Variants in FOXRED1 observed in about 807,000 individuals in gnomAD.
The protein encoded by FOXRED1 is FAD-dependent oxidoreductase domain-containing protein 1.
A neutral mutation model predicts 57.8 loss-of-function variants in FOXRED1; 52 were observed. The ratio of observed to expected loss-of-function variants is 0.90; its 90% CI spans 0.72 to 1.13. The LOEUF is 1.13. Ranked by LOEUF, FOXRED1 falls within the 50% of genes most tolerant of loss-of-function variation. The pLI is 0.00. For synonymous variants in FOXRED1, 271 were observed against 248.3 expected, an observed-to-expected ratio of 1.09 and a Z score of -0.86; for missense variants, 589 against 625.2, an observed-to-expected ratio of 0.94 and a Z score of 0.62.
Position 126,277,509 on chromosome 11 carries a change from A to G in FOXRED1, c.1281A>G (p.Leu427=), listed in dbSNP as rs2135270577. The G allele has an allele frequency of 1.2e-6, 2 of 1,613,586 alleles. No individual in the cohort carries two copies. The highest frequency in any genetic ancestry group is 1.7e-6 in the Non-Finnish European group (2 of 1,179,952). Residue 427 remains leucine, a synonymous_variant, in exon 11 of 11, where the codon CTA becomes CTG. Transcript: ENST00000263578. The surrounding 1 kb of genome is among the most constrained non-coding windows in gnomAD (Gnocchi z 6.8). ...DQNGVVGPHP[L]VVNMYFATGF... The stretch of plus-strand genomic sequence containing the variant: ...ATGGCGTGGTGGGCCCCCACCCGCT[A>G]GTTGTCAACATGTACTTTGCTACTG...
In FOXRED1 at chr11:126,273,011, C is replaced by T. The variant is rs1004141278; in HGVS notation, c.349C>T (p.Gln117Ter). 3.1e-6 allele frequency: 5 copies of T among 1,609,154 alleles called. No homozygotes were observed. Among genetic ancestry groups the T allele is most frequent in the Non-Finnish European group, 4.3e-6 (5 of 1,175,362 alleles). Residue 117 changes from glutamine (Q) to a stop codon, truncating the protein, a stop_gained, in exon 3 of 11, where the codon CAG becomes TAG. Coordinates refer to ENST00000263578, the MANE Select transcript of FOXRED1 (RefSeq NM_017547.4). LOFTEE classifies it high-confidence loss of function. This position sits in a 1 kb window ranked among gnomAD's most constrained non-coding sequence, Gnocchi z 5.9. ...TGGGCTCTCAGTAGGTGGGATTTGT[C>T]AGCAGTTCTCATTGCCTGAGAACAT... Reference protein sequence around the residue: ...STGLSVGGICQQFSLPENIQL... With the variant: ...STGLSVGGIC
In FOXRED1 at chr11:126,272,149, A is replaced by T. The variant is rs1427376762; in HGVS notation, c.306+492A>T. ...GCTATTTTTTGTATTTTTAGTAGAG[A>T]TGAGGTTTCACCATGTTGCCTAGGC... On this transcript the variant is annotated intron_variant, in intron 2 of 10. Transcript: ENST00000263578. This position sits in a 1 kb window ranked among gnomAD's most constrained non-coding sequence, Gnocchi z 4.6. Among the ~76,000 whole-genome samples the T allele has an allele frequency of 3.2e-4, 49 of 152,050 alleles. 1 individual carries two copies. Among genetic ancestry groups the T allele is most frequent in the Admixed American group, 3.2e-3 (49 of 15,276 alleles).
Position 126,277,864 on chromosome 11 carries a change from G to C in FOXRED1, c.*175G>C, listed in dbSNP as rs535630863. The C allele has an allele frequency of 6.8e-6, 5 of 732,262 alleles. No homozygotes were observed. Among genetic ancestry groups the C allele is most frequent in the Admixed American group, 2.0e-5 (1 of 50,344 alleles). The allele number at this position is 732,262 out of a possible 1,614,324, so 45.4% of individuals were successfully genotyped here. ...CTGGGCAGGCACAGGCAGTGAGGCC[G>C]AGGCCAATAGCGAGTGATGAGCGGG... On this transcript the variant is annotated 3_prime_UTR_variant, in exon 11 of 11. Transcript: ENST00000263578. This position sits in a 1 kb window ranked among gnomAD's most constrained non-coding sequence, Gnocchi z 6.8.
chr11:126,276,038 C>T (rs1483831501), intron 7 of FOXRED1, 21 bp from the exon 8 acceptor site: 2 of 1,612,838 alleles, frequency 1.2e-6, no homozygotes, highest in African/African-American at 2.7e-5. Flanking sequence ...CTTCCCACTC[C>T]TCACCCTCTG....
rs1279106096 is a variant in FOXRED1 at position 126,275,975 on chromosome 11, CTA to C, written c.811-83_811-82del. 6 of 1,588,498 alleles carry C rather than the reference CTA, an allele frequency of 3.8e-6. No individual in the cohort carries two copies. In the East Asian group the frequency reaches 1.3e-4, roughly 36 times the overall value. On this transcript the variant is annotated intron_variant, in intron 7 of 10. Transcript: ENST00000263578. The surrounding 1 kb of genome is among the most constrained non-coding windows in gnomAD (Gnocchi z 5.9). ...TGACCCACTTTCCAGTATGGGTAAA[CTA>C]AGGCTCAGGAAGCAGTGCATCTCTC... is the stretch of plus-strand genomic sequence containing the variant.
In FOXRED1 at chr11:126,275,799, G is replaced by T. The variant is rs1243073861; in HGVS notation, c.739G>T (p.Val247Phe). The change falls in exon 7 of 11, where the codon GTC (valine) becomes TTC (phenylalanine). Residue 247 changes from valine to phenylalanine, a missense_variant. Val to Phe is a conservative substitution (Grantham distance 50). Coordinates refer to ENST00000263578, the MANE Select transcript of FOXRED1 (RefSeq NM_017547.4). This position sits in a 1 kb window ranked among gnomAD's most constrained non-coding sequence, Gnocchi z 5.9. ...TTTCATTTTCTTCTCTGCAGGTTTTGTCTCTTCATCTCAACGCATGTTGAC... is the reference window on the plus strand; with the variant it reads ...TTTCATTTTCTTCTCTGCAGGTTTTTTCTCTTCATCTCAACGCATGTTGAC... The part of the protein sequence containing the change: ...LFCQGEVTRF[V>F]SSSQRMLTTD... 3 of 1,609,106 alleles carry T rather than the reference G, an allele frequency of 1.9e-6. No individual in the cohort carries two copies. Among genetic ancestry groups the T allele is most frequent in the Admixed American group, 1.7e-5 (1 of 59,998 alleles).
chr11:126,273,353 C>T lies in FOXRED1; in HGVS notation c.435C>T (p.Val145=), dbSNP rs147235743. Residue 145 remains valine (V), a synonymous_variant, in exon 4 of 11, where the codon GTC becomes GTT. Coordinates refer to ENST00000263578, the MANE Select transcript of FOXRED1 (RefSeq NM_017547.4). The surrounding 1 kb of genome is among the most constrained non-coding windows in gnomAD (Gnocchi z 5.9). The stretch of plus-strand genomic sequence containing the variant: ...GCACACAGGAGTACCTGGCCGTAGT[C>T]GATGCTCCTCCCCTGGACCTCCGGT... ...LRNINEYLAV[V]DAPPLDLRFN... is the part of the protein sequence containing the mutation. The T allele has an allele frequency of 1.4e-3, 2,274 of 1,612,934 alleles. 1 individual carries two copies. The highest frequency in any genetic ancestry group is 1.6e-3 in the Non-Finnish European group (1,937 of 1,179,150).
Position 126,275,381 on chromosome 11 carries a change from G to T in FOXRED1, c.686G>T (p.Arg229Leu). The change falls in exon 6 of 11, where the codon CGA (arginine) becomes CTA (leucine). Residue 229 changes from arginine to leucine, a missense_variant. Arg to Leu is a moderately radical substitution (Grantham distance 102). Coordinates refer to ENST00000263578, the MANE Select transcript of FOXRED1 (RefSeq NM_017547.4). This position sits in a 1 kb window ranked among gnomAD's most constrained non-coding sequence, Gnocchi z 5.9. ...DPWCLLQGLR[R>L]KVQSLGVLFC... The stretch of plus-strand genomic sequence containing the variant: ...TGGTGTCTGCTCCAGGGGCTTCGGC[G>T]AAAGGTCCAGTCCTTGGGAGTCCTT... The T allele has an allele frequency of 6.2e-7, 1 of 1,613,952 alleles. No individual in the cohort carries two copies. Among genetic ancestry groups the T allele is most frequent in the African/African-American group, 1.3e-5 (1 of 75,018 alleles).
rs967796252 is a variant in FOXRED1, at chr11:126,275,085, G to C, written c.631+64G>C. Reference sequence around the variant, plus strand: ...AGATGGAGACTAAGGGGTGCTACACGTTGGGAGTCTCGGTACTCCACAGCC... The same window carrying C: ...AGATGGAGACTAAGGGGTGCTACACCTTGGGAGTCTCGGTACTCCACAGCC... On this transcript the variant is annotated intron_variant, in intron 5 of 10. Transcript: ENST00000263578. This position sits in a 1 kb window ranked among gnomAD's most constrained non-coding sequence, Gnocchi z 5.9. 2 of 1,128,484 alleles carry C rather than the reference G, an allele frequency of 1.8e-6. No homozygotes were observed. Among genetic ancestry groups the C allele is most frequent in the Non-Finnish European group, 2.7e-6 (2 of 739,464 alleles). The allele number at this position is 1,128,484 out of a possible 1,614,324, so 69.9% of individuals were successfully genotyped here.
At position 126,277,680 on chromosome 11, in the gene FOXRED1, C is replaced by T. The variant is rs1201180932; in HGVS notation, c.1452C>T (p.Asn484=). ...TGGGAGAGAAGATCCAGGAGAACAA[C>T]ATCATCTGAGCATGTGTGCTCTGCA... ...FYLGEKIQEN[N]II is the part of the protein sequence containing the mutation. Residue 484 remains asparagine, a synonymous_variant, in exon 11 of 11, where the codon AAC becomes AAT. Coordinates refer to ENST00000263578, the MANE Select transcript of FOXRED1 (RefSeq NM_017547.4). This position sits in a 1 kb window ranked among gnomAD's most constrained non-coding sequence, Gnocchi z 6.8. 1 of 1,613,546 alleles carries T rather than the reference C, an allele frequency of 6.2e-7. No homozygotes were observed. Among genetic ancestry groups the T allele is most frequent in the South Asian group, 1.1e-5 (1 of 91,086 alleles).
At chr11:126,276,324 G>GTGTGTAT in intron 8 of FOXRED1, 70 bp from the exon 9 acceptor site, 1 of 843,468 alleles carries the variant, frequency 1.2e-6, no homozygotes, top group Non-Finnish European at 1.6e-6. Context: ...TGGGGTGTGG[G>GTGTGTAT]GTGGACAGGG....
Position 126,271,661 on chromosome 11 carries a change from A to G in FOXRED1, c.306+4A>G. 3 of 1,610,646 alleles carry G rather than the reference A, an allele frequency of 1.9e-6. No individual in the cohort carries two copies. Among genetic ancestry groups the G allele is most frequent in the Non-Finnish European group, 2.5e-6 (3 of 1,177,572 alleles). On this transcript the variant is annotated splice_donor_region_variant and intron_variant, in intron 2 of 10. Transcript: ENST00000263578. The surrounding 1 kb of genome is among the most constrained non-coding windows in gnomAD (Gnocchi z 5.3). ...AGTGGTGGAACGGGACCACACGGTG[A>G]GGTCTGGGGTAGGGCAGAGTCATGA...
chr11:126,272,891 C>G lies in FOXRED1; in HGVS notation c.307-78C>G, dbSNP rs1951026938. ...CTCCCCTTCAACTTTAGGTGTATAG[C>G]TCGAAGCTTTCATTGCAGTATTCTA... On this transcript the variant is annotated intron_variant, in intron 2 of 10. Coordinates refer to ENST00000263578, the MANE Select transcript of FOXRED1 (RefSeq NM_017547.4). This position sits in a 1 kb window ranked among gnomAD's most constrained non-coding sequence, Gnocchi z 4.6. 1.2e-6 allele frequency: 1 copy of G among 809,748 alleles called. No homozygotes were observed. Among genetic ancestry groups the G allele is most frequent in the African/African-American group, 1.7e-5 (1 of 59,852 alleles). The allele number at this position is 809,748 out of a possible 1,614,324, so 50.2% of individuals were successfully genotyped here.
In FOXRED1 at chr11:126,273,117, C is replaced by T. The variant is rs1267180489; in HGVS notation, c.417+38C>T. 1 of 1,250,632 alleles carries T rather than the reference C, an allele frequency of 8.0e-7. No individual in the cohort carries two copies. The highest frequency in any genetic ancestry group is 1.7e-5 in the Admixed American group (1 of 59,576). The allele number at this position is 1,250,632 out of a possible 1,614,324, so 77.5% of individuals were successfully genotyped here. ...ATATCCGGGATGTTGGGGTGGTTACCCCTCCTTTAGCCCAGAGTGGGGAGC... is the reference window on the plus strand; with the variant it reads ...ATATCCGGGATGTTGGGGTGGTTACTCCTCCTTTAGCCCAGAGTGGGGAGC... On this transcript the variant is annotated intron_variant, in intron 3 of 10. Coordinates refer to ENST00000263578, the MANE Select transcript of FOXRED1 (RefSeq NM_017547.4). This position sits in a 1 kb window ranked among gnomAD's most constrained non-coding sequence, Gnocchi z 5.9.
At position 126,274,896 on chromosome 11, in the gene FOXRED1, A is replaced by G. The variant is rs1167195620; in HGVS notation, c.537-31A>G. 7.6e-7 allele frequency: 1 copy of G among 1,317,920 alleles called. No homozygotes were observed. Among genetic ancestry groups the G allele is most frequent in the South Asian group, 1.2e-5 (1 of 85,306 alleles). 81.6% of individuals were successfully genotyped at this position (1,317,920 alleles called of 1,614,324 possible). ...CCCCCTGCACACTCCCCTCTCTGAC[A>G]CACATACACCGACCCACACGTTTAT... On this transcript the variant is annotated intron_variant, in intron 4 of 10. Coordinates refer to ENST00000263578, the MANE Select transcript of FOXRED1 (RefSeq NM_017547.4). The surrounding 1 kb of genome is among the most constrained non-coding windows in gnomAD (Gnocchi z 4.8).
In FOXRED1 at chr11:126,272,889, A is replaced by G. The variant is rs1454316605; in HGVS notation, c.307-80A>G. 6.2e-6 allele frequency: 5 copies of G among 802,674 alleles called. No individual in the cohort carries two copies. The African/African-American group carries it at 8.4e-5, about 13-fold the overall frequency. 49.7% of individuals were successfully genotyped at this position (802,674 alleles called of 1,614,324 possible). A position where few individuals can be genotyped will look rare whatever the true frequency, so the allele number is the denominator to read the frequency against. ...GACTCCCCTTCAACTTTAGGTGTATAGCTCGAAGCTTTCATTGCAGTATTC... is the reference window on the plus strand; with the variant it reads ...GACTCCCCTTCAACTTTAGGTGTATGGCTCGAAGCTTTCATTGCAGTATTC... On this transcript the variant is annotated intron_variant, in intron 2 of 10. Coordinates refer to ENST00000263578, the MANE Select transcript of FOXRED1 (RefSeq NM_017547.4). The surrounding 1 kb of genome is among the most constrained non-coding windows in gnomAD (Gnocchi z 4.6).
rs150510019 is a variant in FOXRED1, at chr11:126,273,601, C to A, written c.536+147C>A. The stretch of plus-strand genomic sequence containing the variant: ...GTGTGTCAGGAAGAAAATACACAGA[C>A]CTGCAATGCCCTGGGAGTGCTGTAC... On this transcript the variant is annotated intron_variant, in intron 4 of 10. Coordinates refer to ENST00000263578, the MANE Select transcript of FOXRED1 (RefSeq NM_017547.4). The surrounding 1 kb of genome is among the most constrained non-coding windows in gnomAD (Gnocchi z 5.9). 8.6e-6 allele frequency: 6 copies of A among 697,182 alleles called. No individual in the cohort carries two copies. Among genetic ancestry groups the A allele is most frequent in the African/African-American group, 3.5e-5 (2 of 57,406 alleles). 43.2% of individuals were successfully genotyped at this position (697,182 alleles called of 1,614,324 possible).
Position 126,273,392 on chromosome 11 carries a change from C to A in FOXRED1, c.474C>A (p.Gly158=). ...PPLDLRFNPS[G]YLLLASEKDA... is the part of the protein sequence containing the mutation. ...TGGACCTCCGGTTCAACCCCTCGGGCTACCTCTTGCTGGCTTCAGAAAAGG... is the reference window on the plus strand; with the variant it reads ...TGGACCTCCGGTTCAACCCCTCGGGATACCTCTTGCTGGCTTCAGAAAAGG... Residue 158 remains glycine (G), a synonymous_variant, in exon 4 of 11, where the codon GGC becomes GGA. Transcript: ENST00000263578. The surrounding 1 kb of genome is among the most constrained non-coding windows in gnomAD (Gnocchi z 5.9). 1 of 1,614,032 alleles carries A rather than the reference C, an allele frequency of 6.2e-7. No homozygotes were observed.
At position 126,273,148 on chromosome 11, in the gene FOXRED1, A is replaced by G. The variant is rs945595564; in HGVS notation, c.417+69A>G. ...TTTAGCCCAGAGTGGGGAGCAGCCC[A>G]GCTAGCAAGGTAGCCAGAGAGCAAG... is the stretch of plus-strand genomic sequence containing the variant. On this transcript the variant is annotated intron_variant, in intron 3 of 10. Transcript: ENST00000263578. This position sits in a 1 kb window ranked among gnomAD's most constrained non-coding sequence, Gnocchi z 5.9. 34 of 1,049,218 alleles carry G rather than the reference A, an allele frequency of 3.2e-5. No homozygotes were observed. The highest frequency in any genetic ancestry group is 5.0e-5 in the Non-Finnish European group (33 of 663,950). The allele number at this position is 1,049,218 out of a possible 1,614,324, so 65.0% of individuals were successfully genotyped here.
Sources: allele counts gnomAD v4.1 joint callset (sites outside exome capture counted in the v4.1 genomes callset), GRCh38; gene constraint gnomAD v4.1.1; non-coding constraint Gnocchi (gnomAD v3.1); transcripts MANE v1.5; gene names NCBI Gene and HGNC (gene_info 2026-07-23, HGNC 2026-07-21).